Variants in MAP2K2 observed in about 807,000 individuals in gnomAD.
The protein encoded by MAP2K2 is mitogen-activated protein kinase kinase 2.
Under a neutral mutation model 43.7 loss-of-function variants are expected in MAP2K2, and 24 were observed. The observed-to-expected ratio is 0.55, with a 90% CI of 0.40 to 0.77. The LOEUF (loss-of-function observed/expected upper bound fraction) is 0.77. MAP2K2 is among the 30% of genes least tolerant of loss of function. The pLI is 0.00. For missense variants in MAP2K2, 470 were observed against 566.8 expected, an observed-to-expected ratio of 0.83 and a Z score of 1.73; for synonymous variants, 244 against 239.7, an observed-to-expected ratio of 1.02 and a Z score of -0.17.
intron 2 of MAP2K2, among the ~76,000 whole-genome samples, chr19:4,114,554 A>G (rs997425839): frequency 5.9e-5 from 9 of 152,246 alleles, no homozygotes; most frequent in African/African-American, 2.2e-4. Context: ...TTCTTCACCT[A>G]TCTCCCTGGC....
chr19:4,115,622 C>A lies in MAP2K2; in HGVS notation c.303+1797G>T, dbSNP rs890722743. 3.3e-5 allele frequency among the ~76,000 whole-genome samples: 5 copies of A among 152,202 alleles called. No homozygotes were observed. Among genetic ancestry groups the A allele is most frequent in the Non-Finnish European group, 1.5e-5 (1 of 68,036 alleles). ...GAAATAGCAAGTCCGCGGCTGCACA[C>A]TTCAGGAGGGAGGGAGGGCAGCACT... On this transcript the variant is annotated intron_variant, in intron 2 of 10. Coordinates refer to ENST00000262948, the MANE Select transcript of MAP2K2 (RefSeq NM_030662.4). This position sits in a 1 kb window ranked among gnomAD's most constrained non-coding sequence, Gnocchi z 4.1.
At chr19:4,090,828 C>G in intron 10 of MAP2K2, 120 bp from the exon 11 acceptor site, 1 of 735,426 alleles carries the variant, frequency 1.4e-6, no homozygotes, top group South Asian at 1.5e-5. Context: ...AGAGGAGACC[C>G]TCCCTTCCCC....
At position 4,117,708 on chromosome 19, in the gene MAP2K2, C is replaced by T. The variant is rs2041242351; in HGVS notation, c.93-79G>A. 10 of 1,252,802 alleles carry T rather than the reference C, an allele frequency of 8.0e-6. No homozygotes were observed. The South Asian group carries it at 9.6e-5, about 12-fold the overall frequency. The allele number at this position is 1,252,802 out of a possible 1,614,324, so 77.6% of individuals were successfully genotyped here. ...CGTTTGCTATGTGGCCGTGGTGCATCGGCCCCCAGGAGGACACAGACTGGA... is the reference window on the plus strand; with the variant it reads ...CGTTTGCTATGTGGCCGTGGTGCATTGGCCCCCAGGAGGACACAGACTGGA... On this transcript the variant is annotated intron_variant, in intron 1 of 10. Transcript: ENST00000262948.
At chr19:4,099,555 T>C (rs757052152) in intron 6 of MAP2K2, 141 bp from the exon 7 acceptor site, 25 of 713,206 alleles carry the variant, frequency 3.5e-5, no homozygotes, top group Non-Finnish European at 5.7e-5. Context: ...TACGCAATTC[T>C]ACCTCCCGGC....
intron 2 of MAP2K2, among the ~76,000 whole-genome samples, chr19:4,116,329 G>A (rs950081539): frequency 2.2e-4 from 34 of 152,026 alleles, no homozygotes; most frequent in African/African-American, 7.7e-4. Flanking sequence ...TCAGGAGTTC[G>A]AGACCAGCCT....
intron 10 of MAP2K2, among the ~76,000 whole-genome samples, chr19:4,094,037 A>G (rs2040879642): frequency 6.6e-6 from 1 of 152,116 alleles, no homozygotes; most frequent in Non-Finnish European, 1.5e-5. Flanking sequence ...CGAAGTACGC[A>G]CGGCCTCGGG....
chr19:4,104,410 G>A (rs187494532), intron 3 of MAP2K2, among the ~76,000 whole-genome samples: 3 of 152,002 alleles, frequency 2.0e-5, no homozygotes, highest in Admixed American at 6.6e-5. Flanking sequence ...AAAATCAGCC[G>A]GGCGTGGTGG....
chr19:4,103,411 C>T (rs959888741), intron 3 of MAP2K2: 1 of 215,756 alleles, frequency 4.6e-6, no homozygotes, highest in Non-Finnish European at 7.9e-6. Context: ...TCCGGACACA[C>T]CTGCCAGGCC....
chr19:4,118,508 G>T (rs62132105), intron 1 of MAP2K2, among the ~76,000 whole-genome samples: 7,772 of 152,238 alleles, frequency 0.051, 234 homozygotes, highest in South Asian at 0.07. Flanking sequence ...GAACCCGGGA[G>T]GGGGAGATTG....
chr19:4,123,702 C>A, intron 1 of MAP2K2, 82 bp downstream of exon 1: 1 of 1,020,346 alleles, frequency 9.8e-7, no homozygotes, highest in Admixed American at 2.5e-5. Context: ...TCCTCGCGAA[C>A]CCCCGTCCCC....
chr19:4,104,266 A>T lies in MAP2K2; in HGVS notation c.451-1813T>A, dbSNP rs1465036650. ...GGCGAGAGAGCAAGACTCCTCAATTAAAAAAAAAAAAAAAAAAAGCCGCAC... is the reference window on the plus strand; with the variant it reads ...GGCGAGAGAGCAAGACTCCTCAATTTAAAAAAAAAAAAAAAAAAGCCGCAC... On this transcript the variant is annotated intron_variant, in intron 3 of 10. Coordinates refer to ENST00000262948, the MANE Select transcript of MAP2K2 (RefSeq NM_030662.4). Among the ~76,000 whole-genome samples, 15 of 66,912 alleles carry T rather than the reference A, an allele frequency of 2.2e-4. 1 individual carries two copies. Among genetic ancestry groups the T allele is most frequent in the Admixed American group, 6.7e-4 (5 of 7,478 alleles). 43.9% of individuals were successfully genotyped at this position (66,912 alleles called of 152,430 possible).
chr19:4,113,643 C>T (rs1475977425), intron 2 of MAP2K2, among the ~76,000 whole-genome samples: 3 of 152,156 alleles, frequency 2.0e-5, no homozygotes, highest in Admixed American at 2.0e-4. Flanking sequence ...CAGCCCAGGC[C>T]GTGCCAGCTC....
At chr19:4,097,640 G>A (rs1439598692) in intron 7 of MAP2K2, among the ~76,000 whole-genome samples, 1 of 152,184 alleles carries the variant, frequency 6.6e-6, no homozygotes, top group Non-Finnish European at 1.5e-5. Flanking sequence ...ACGTGCCAAA[G>A]TCATCACCCC....
chr19:4,116,252 C>T (rs183645229), intron 2 of MAP2K2, among the ~76,000 whole-genome samples: 2 of 152,344 alleles, frequency 1.3e-5, no homozygotes, highest in Admixed American at 1.3e-4. Flanking sequence ...AAAGCCTGCC[C>T]AGGCGCGGTG....
rs776864612 is a variant in MAP2K2, at chr19:4,102,459, G to C, written c.451-6C>G. On this transcript the variant is annotated splice_region_variant and splice_polypyrimidine_tract_variant and intron_variant, in intron 3 of 10. Coordinates refer to ENST00000262948, the MANE Select transcript of MAP2K2 (RefSeq NM_030662.4). ...TGGTCCAGGGAGCCGCCGTCCTAGA[G>C]GGCACACAAGGAGTGAGTGCAGGCT... The C allele has an allele frequency of 4.4e-6, 7 of 1,592,108 alleles. No individual in the cohort carries two copies. The highest frequency in any genetic ancestry group is 6.0e-6 in the Non-Finnish European group (7 of 1,169,458).
chr19:4,119,702 T>C (rs1311778338), intron 1 of MAP2K2, among the ~76,000 whole-genome samples: 1 of 152,218 alleles, frequency 6.6e-6, no homozygotes, highest in African/African-American at 2.4e-5. Context: ...TTTTATGTGT[T>C]GCCTGTAGCC....
At chr19:4,094,167 T>C (rs966403723) in intron 10 of MAP2K2, among the ~76,000 whole-genome samples, 1 of 152,138 alleles carries the variant, frequency 6.6e-6, no homozygotes, top group Non-Finnish European at 1.5e-5. Context: ...CGGGGTCTCA[T>C]CCTGTGGGTG....
At chr19:4,120,735 G>C (rs867898227) in intron 1 of MAP2K2, among the ~76,000 whole-genome samples, 11 of 152,158 alleles carry the variant, frequency 7.2e-5, no homozygotes, top group African/African-American at 2.2e-4. Flanking sequence ...CCCAACTGTG[G>C]TTATTAAACA....
chr19:4,102,254 T>A, intron 4 of MAP2K2, 122 bp downstream of exon 4: 1 of 854,694 alleles, frequency 1.2e-6, no homozygotes, highest in Non-Finnish European at 1.9e-6. Flanking sequence ...TTGGCCACTC[T>A]CTTTCTGCAG....
Sources: allele counts gnomAD v4.1 joint callset (sites outside exome capture counted in the v4.1 genomes callset), GRCh38; gene constraint gnomAD v4.1.1; non-coding constraint Gnocchi (gnomAD v3.1); transcripts MANE v1.5; gene names NCBI Gene and HGNC (gene_info 2026-07-23, HGNC 2026-07-21).